The following EFEMP1 variants were observed in gnomAD, a reference collection of about 807,000 sequenced individuals.
The protein encoded by EFEMP1 is EGF-containing fibulin-like extracellular matrix protein 1.
A neutral mutation model predicts 65.7 loss-of-function variants in EFEMP1; 18 were observed. The ratio of observed to expected loss-of-function variants is 0.27; its 90% confidence interval spans 0.19 to 0.41. EFEMP1 has a LOEUF of 0.41. EFEMP1 is among the 10% of genes least tolerant of loss of function. EFEMP1 has a pLI of 1.00. For synonymous variants in EFEMP1, 237 were observed against 219.7 expected (o/e 1.08, Z -0.70); for missense variants, 469 against 624.8 (o/e 0.75, Z 2.66).
At chr2:55,910,258 C>A (rs1670433317) in intron 5 of EFEMP1, among the ~76,000 whole-genome samples, 1 of 152,044 alleles carries the variant, frequency 6.6e-6, no homozygotes, top group Admixed American at 6.6e-5. Flanking sequence ...ACCTGCAATT[C>A]TTTTTAAATT....
chr2:55,899,451 C>A (rs1454383218), intron 5 of EFEMP1, among the ~76,000 whole-genome samples: 1 of 152,110 alleles, frequency 6.6e-6, no homozygotes, highest in East Asian at 1.9e-4. Flanking sequence ...ATGGTGCAGA[C>A]TTAAGGGTAT....
chr2:55,908,137 T>C (rs1298498964), intron 5 of EFEMP1, among the ~76,000 whole-genome samples: 1 of 152,194 alleles, frequency 6.6e-6, no homozygotes, highest in East Asian at 1.9e-4. Flanking sequence ...ACTCTTCTTT[T>C]AAATCACCTG....
chr2:55,909,813 T>C (rs1325101163), intron 5 of EFEMP1, among the ~76,000 whole-genome samples: 1 of 152,174 alleles, frequency 6.6e-6, no homozygotes, highest in Non-Finnish European at 1.5e-5. Context: ...TATTGAACTG[T>C]TGTTTGTTTC....
chr2:55,911,912 G>A (rs779390149), intron 5 of EFEMP1, among the ~76,000 whole-genome samples: 7 of 152,110 alleles, frequency 4.6e-5, no homozygotes, highest in Non-Finnish European at 1.0e-4. Context: ...AAATTTAATG[G>A]CTGCAGCATA....
chr2:55,921,724 G>T lies in EFEMP1; in HGVS notation c.81+636C>A, dbSNP rs1670911374. The stretch of plus-strand genomic sequence containing the variant: ...GCAACTAACTAATCAAATATTACTT[G>T]GAAATATCAGAGACGCTAATTAGAA... On this transcript the variant is annotated intron_variant, in intron 3 of 11. Transcript: ENST00000355426. The surrounding 1 kb of genome is among the most constrained non-coding windows in gnomAD (Gnocchi z 4.1). Among the ~76,000 whole-genome samples the T allele has an allele frequency of 6.6e-6, 1 of 152,126 alleles. No homozygotes were observed. The highest frequency in any genetic ancestry group is 1.9e-4 in the East Asian group (1 of 5,190).
At chr2:55,887,222 C>CACCAGATTCAAACACCAAATCAA (rs1463869342) in intron 5 of EFEMP1, among the ~76,000 whole-genome samples, 6 of 152,158 alleles carry the variant, frequency 3.9e-5, no homozygotes, top group Non-Finnish European at 8.8e-5. Flanking sequence ...GAGATTCAAA[C>CACCAGATTCAAACACCAAATCAA]ACCAGATTTC....
At chr2:55,902,808 GT>G (rs1670090903) in intron 5 of EFEMP1, among the ~76,000 whole-genome samples, 1 of 152,260 alleles carries the variant, frequency 6.6e-6, no homozygotes, top group Admixed American at 6.5e-5. Context: ...GCCTCGGTAT[GT>G]TTTCCTGATA....
chr2:55,877,685 C>G lies in EFEMP1; in HGVS notation c.760+61G>C. The G allele has an allele frequency of 2.5e-6, 4 of 1,609,364 alleles. No homozygotes were observed. Among genetic ancestry groups the G allele is most frequent in the Non-Finnish European group, 3.4e-6 (4 of 1,176,816 alleles). On this transcript the variant is annotated intron_variant, in intron 7 of 11. Coordinates refer to ENST00000355426, the MANE Select transcript of EFEMP1 (RefSeq NM_001039348.3). The surrounding 1 kb of genome is among the most constrained non-coding windows in gnomAD (Gnocchi z 4.5). ...AGAACATAGAAAACTGGAAATACTG[C>G]AACATGGCATGGGGTTTCCTTTTGT...
At position 55,923,038 on chromosome 2, in the gene EFEMP1, T is replaced by C. The variant is rs939728792; in HGVS notation, c.-48-99A>G. The C allele has an allele frequency of 3.9e-5, 33 of 839,090 alleles. No homozygotes were observed. In the African/African-American group the frequency reaches 4.8e-4, roughly 12 times the overall value. 52.0% of individuals were successfully genotyped at this position (839,090 alleles called of 1,614,324 possible). ...GAGCAATCTTCCAGTTCTAGTAGAATACTAGACCTTCTCACATGTCTCAGA... is the reference window on the plus strand; with the variant it reads ...GAGCAATCTTCCAGTTCTAGTAGAACACTAGACCTTCTCACATGTCTCAGA... On this transcript the variant is annotated intron_variant, in intron 1 of 11. Transcript: ENST00000355426. The surrounding 1 kb of genome is among the most constrained non-coding windows in gnomAD (Gnocchi z 5.3).
Position 55,917,402 on chromosome 2 carries a change from G to A in EFEMP1, c.517+263C>T, listed in dbSNP as rs1283943218. ...GCTTCGCCATCGAGAAGTTTTAAAG[G>A]TTCCCAAGTGACTCTAAATATGGGC... On this transcript the variant is annotated intron_variant, in intron 5 of 11. Transcript: ENST00000355426. This position sits in a 1 kb window ranked among gnomAD's most constrained non-coding sequence, Gnocchi z 6.3. 2.0e-5 allele frequency among the ~76,000 whole-genome samples: 3 copies of A among 152,086 alleles called. No homozygotes were observed. Among genetic ancestry groups the A allele is most frequent in the African/African-American group, 7.2e-5 (3 of 41,398 alleles).
chr2:55,923,746 G>A lies in EFEMP1; in HGVS notation c.-84C>T. On this transcript the variant is annotated 5_prime_UTR_variant, in exon 1 of 12. Transcript: ENST00000355426. This position sits in a 1 kb window ranked among gnomAD's most constrained non-coding sequence, Gnocchi z 5.3. The stretch of plus-strand genomic sequence containing the variant: ...GCGCTGCGCTCCGGGCCCGGGCAGC[G>A]AGGGGAGTGCGCAGGGGAGGGCAGC... 2.0e-6 allele frequency: 2 copies of A among 986,004 alleles called. No individual in the cohort carries two copies. Among genetic ancestry groups the A allele is most frequent in the South Asian group, 4.7e-5 (1 of 21,298 alleles). 61.1% of individuals were successfully genotyped at this position (986,004 alleles called of 1,614,324 possible). A position where few individuals can be genotyped will look rare whatever the true frequency, so the allele number is the denominator to read the frequency against.
At chr2:55,914,565 C>G (rs1017796168) in intron 5 of EFEMP1, among the ~76,000 whole-genome samples, 1 of 151,896 alleles carries the variant, frequency 6.6e-6, no homozygotes, top group Non-Finnish European at 1.5e-5. Context: ...TTCAAAGGCA[C>G]AATTGATTTG....
At chr2:55,914,266 C>T (rs1183970025) in intron 5 of EFEMP1, among the ~76,000 whole-genome samples, 1 of 152,090 alleles carries the variant, frequency 6.6e-6, no homozygotes, top group Non-Finnish European at 1.5e-5. Flanking sequence ...AAACTCCCAG[C>T]GTTACTGGCT....
chr2:55,885,823 C>T lies in EFEMP1; in HGVS notation c.518-4089G>A, dbSNP rs545731721. On this transcript the variant is annotated intron_variant, in intron 5 of 11. Transcript: ENST00000355426. The surrounding 1 kb of genome is among the most constrained non-coding windows in gnomAD (Gnocchi z 4.3). The stretch of plus-strand genomic sequence containing the variant: ...ACATCTCTGTGGTGTCCATTAAGTC[C>T]CTGCTTAGGCCCTCATTCTCTATGT... Among the ~76,000 whole-genome samples the T allele has an allele frequency of 1.3e-5, 2 of 152,178 alleles. No individual in the cohort carries two copies. Among genetic ancestry groups the T allele is most frequent in the South Asian group, 2.1e-4 (1 of 4,808 alleles).
chr2:55,901,391 G>C (rs3791663), intron 5 of EFEMP1, among the ~76,000 whole-genome samples: 2 of 152,058 alleles, frequency 1.3e-5, no homozygotes, highest in South Asian at 4.1e-4. Context: ...AATTGAAGGA[G>C]ATGGAATCAT....
intron 6 of EFEMP1, among the ~76,000 whole-genome samples, chr2:55,878,289 C>A (rs138935919): frequency 1.1e-3 from 169 of 152,242 alleles, no homozygotes; most frequent in African/African-American, 3.6e-3. Flanking sequence ...GTCACTTACG[C>A]CTTCAGTATC....
chr2:55,877,833 G>A lies in EFEMP1; in HGVS notation c.673C>T (p.His225Tyr). The change falls in exon 7 of 12, where the codon CAC (histidine) becomes TAC (tyrosine). Residue 225 changes from histidine (H) to tyrosine (Y), a missense_variant. Physicochemically the swap from His to Tyr is moderately conservative, Grantham distance 83. Around this residue, in one of 3 missense-constraint regions of EFEMP1, gnomAD observed 399 missense variants for 528.2 expected, o/e 0.76. Transcript: ENST00000355426. This position sits in a 1 kb window ranked among gnomAD's most constrained non-coding sequence, Gnocchi z 4.5. ...IDECTIPPYC[H>Y]QRCVNTPGSF... is the part of the protein sequence containing the mutation. ...CCTGGTGTATTCACGCATCTTTGGTGGCAATATGGAGGGATGGTACATTCA... is the reference window on the plus strand; with the variant it reads ...CCTGGTGTATTCACGCATCTTTGGTAGCAATATGGAGGGATGGTACATTCA... 1 of 1,613,198 alleles carries A rather than the reference G, an allele frequency of 6.2e-7. No homozygotes were observed. The highest frequency in any genetic ancestry group is 2.2e-5 in the East Asian group (1 of 44,850).
Position 55,885,322 on chromosome 2 carries a change from G to A in EFEMP1, c.518-3588C>T, listed in dbSNP as rs1232421263. 6.6e-6 allele frequency among the ~76,000 whole-genome samples: 1 copy of A among 152,172 alleles called. No homozygotes were observed. The highest frequency in any genetic ancestry group is 2.4e-5 in the African/African-American group (1 of 41,428). ...ACAGATGGCGTCAGCACAGCTGCCG[G>A]GGCTCTGTGTGAGGAGCCTGGTGCA... is the stretch of plus-strand genomic sequence containing the variant. On this transcript the variant is annotated intron_variant, in intron 5 of 11. Coordinates refer to ENST00000355426, the MANE Select transcript of EFEMP1 (RefSeq NM_001039348.3). The surrounding 1 kb of genome is among the most constrained non-coding windows in gnomAD (Gnocchi z 4.3).
chr2:55,876,703 T>G lies in EFEMP1; in HGVS notation c.800A>C (p.Gln267Pro). Reference sequence around the variant, plus strand: ...GAATGAACCAAGAATGTTGTAGCACTGCTGAGCACATTGATTGCTGGCATC... The same window carrying G: ...GAATGAACCAAGAATGTTGTAGCACGGCTGAGCACATTGATTGCTGGCATC... ...ECDASNQCAQQCYNILGSFIC... is the reference protein window; with the variant it reads ...ECDASNQCAQPCYNILGSFIC... Residue 267 changes from glutamine to proline, a missense_variant, in exon 8 of 12, where the codon CAG (glutamine) becomes CCG (proline). By Grantham distance (76) the Gln-to-Pro change is moderately conservative (BLOSUM62 -1). Transcript: ENST00000355426. The G allele has an allele frequency of 6.2e-7, 1 of 1,611,504 alleles. No individual in the cohort carries two copies. Among genetic ancestry groups the G allele is most frequent in the Non-Finnish European group, 8.5e-7 (1 of 1,178,346 alleles).
Sources: gnomAD v4.1 joint callset for allele counts (sites outside exome capture counted in the v4.1 genomes callset) on GRCh38, gnomAD v4.1.1 for gene constraint, gnomAD v4.1.1 regional missense constraint, Gnocchi (gnomAD v3.1) non-coding constraint, MANE v1.5 for transcripts, NCBI Gene and HGNC (gene_info 2026-07-23, HGNC 2026-07-21) for gene names.